Variants in IL1RAPL1 observed in about 807,000 individuals in gnomAD.
IL1RAPL1 encodes the protein interleukin 1 receptor accessory protein like 1, also known as interleukin-1 receptor accessory protein-like 1.
IL1RAPL1 carries 3 observed loss-of-function variants against 48.4 expected under a neutral mutation model. The ratio of observed to expected loss-of-function variants is 0.06; its 90% confidence interval spans 0.03 to 0.16. The LOEUF (loss-of-function observed/expected upper bound fraction) is 0.16, where lower values mean the gene tolerates loss of function less well. IL1RAPL1 is among the 10% of genes least tolerant of loss of function. The probability of loss-of-function intolerance (pLI) is 1.00; values close to 1 mark genes in which losing one functional copy is unlikely to be tolerated. For missense variants in IL1RAPL1, 349 were observed against 530.6 expected (o/e 0.66, Z 3.36); for synonymous variants, 185 against 187.7 (o/e 0.99, Z 0.12).
intron 2 of IL1RAPL1, among the ~76,000 whole-genome samples, chrX:29,083,033 T>A (rs1429738060): frequency 8.9e-6 from 1 of 112,067 alleles, no homozygotes; most frequent in Non-Finnish European, 1.9e-5. Context: ...GAAAAATAGC[T>A]GTCATAAATC....
rs774786731 is a variant in IL1RAPL1, at chrX:29,082,447, G to T, written c.83-200491G>T. Among the ~76,000 whole-genome samples, 4 of 111,843 alleles carry T rather than the reference G, an allele frequency of 3.6e-5. No homozygotes were observed. The Admixed American group carries it at 3.8e-4, about 11-fold the overall frequency. ...ACAATGAAGCTGCAGTTGTTTTTTG[G>T]TTTTTGAGTGAAATATACAACCAAT... On this transcript the variant is annotated intron_variant, in intron 2 of 10. Transcript: ENST00000378993.
At chrX:29,810,163 T>TA (rs200562371) in intron 6 of IL1RAPL1, among the ~76,000 whole-genome samples, 7,539 of 108,810 alleles carry the variant, frequency 0.069, 219 homozygotes, top group Middle Eastern at 0.2. Context: ...CATTTCCTTT[T>TA]ATGTATTATT....
At chrX:29,325,091 A>G (rs1337799022) in intron 3 of IL1RAPL1, among the ~76,000 whole-genome samples, 1 of 111,935 alleles carries the variant, frequency 8.9e-6, no homozygotes, top group Non-Finnish European at 1.9e-5. Flanking sequence ...CAGATTTTAG[A>G]TTAATTTATT....
At chrX:29,354,357 C>A (rs972272160) in intron 3 of IL1RAPL1, among the ~76,000 whole-genome samples, 1 of 111,676 alleles carries the variant, frequency 9.0e-6, no homozygotes, top group African/African-American at 3.2e-5. Context: ...TAGTATCCAA[C>A]ACTAGTTGTA....
intron 2 of IL1RAPL1, among the ~76,000 whole-genome samples, chrX:28,821,724 A>G (rs1046286149): frequency 9.0e-6 from 1 of 111,389 alleles, no homozygotes; most frequent in Admixed American, 9.6e-5. Context: ...TGGGTTGTGC[A>G]TGTAAAGATA....
chrX:29,022,815 ATTAACT>A (rs3078486), intron 2 of IL1RAPL1, among the ~76,000 whole-genome samples: 19,618 of 110,975 alleles, frequency 0.18, 1,576 homozygotes, highest in South Asian at 0.41. Context: ...GATCCAATAG[ATTAACT>A]TTAACTCTTT....
chrX:28,949,656 T>C (rs1924398491), intron 2 of IL1RAPL1, among the ~76,000 whole-genome samples: 1 of 110,480 alleles, frequency 9.1e-6, no homozygotes, highest in Non-Finnish European at 1.9e-5. Flanking sequence ...TGGTATCTCA[T>C]TGTGGTTTTG....
intron 6 of IL1RAPL1, among the ~76,000 whole-genome samples, chrX:29,674,904 C>A (rs1194054834): frequency 3.6e-5 from 4 of 112,197 alleles, no homozygotes; most frequent in African/African-American, 1.3e-4. Flanking sequence ...TGATCTCATT[C>A]TTTTTATGGC....
At chrX:29,472,778 A>G (rs1468878771) in intron 5 of IL1RAPL1, among the ~76,000 whole-genome samples, 1 of 111,708 alleles carries the variant, frequency 9.0e-6, no homozygotes, top group Non-Finnish European at 1.9e-5. Context: ...GGTTGATGAG[A>G]TGATAACATG....
chrX:29,759,230 C>T (rs1202457752), intron 6 of IL1RAPL1, among the ~76,000 whole-genome samples: 1 of 112,002 alleles, frequency 8.9e-6, no homozygotes, highest in Admixed American at 9.5e-5. Context: ...AATGGTTATA[C>T]ACGTGGTTGT....
chrX:28,846,286 A>G (rs1921506391), intron 2 of IL1RAPL1, among the ~76,000 whole-genome samples: 1 of 111,825 alleles, frequency 8.9e-6, no homozygotes, highest in African/African-American at 3.2e-5. Flanking sequence ...ATAATATTCT[A>G]TTGTCGGGAT....
At chrX:28,827,605 A>G (rs903945624) in intron 2 of IL1RAPL1, among the ~76,000 whole-genome samples, 6 of 111,874 alleles carry the variant, frequency 5.4e-5, no homozygotes, top group African/African-American at 1.9e-4. Flanking sequence ...AAGAGGATCT[A>G]TATTACGTGG....
At chrX:29,154,878 C>A (rs970125485) in intron 2 of IL1RAPL1, among the ~76,000 whole-genome samples, 1 of 111,547 alleles carries the variant, frequency 9.0e-6, no homozygotes. Context: ...ATTTAATATT[C>A]ACACAATATT....
At chrX:29,090,959 G>A (rs1928075999) in intron 2 of IL1RAPL1, among the ~76,000 whole-genome samples, 1 of 111,681 alleles carries the variant, frequency 9.0e-6, no homozygotes, top group African/African-American at 3.3e-5. Context: ...GGATAATGTT[G>A]GAAAATCTTG....
intron 3 of IL1RAPL1, among the ~76,000 whole-genome samples, chrX:29,311,943 A>T (rs1163081431): frequency 8.9e-6 from 1 of 112,100 alleles, no homozygotes; most frequent in Non-Finnish European, 1.9e-5. Flanking sequence ...GGGGCTTGGC[A>T]ATATTGAGAT....
intron 5 of IL1RAPL1, among the ~76,000 whole-genome samples, chrX:29,541,625 T>C (rs772047255): frequency 1.8e-5 from 2 of 111,983 alleles, no homozygotes; most frequent in African/African-American, 3.2e-5. Context: ...TTAAATGTTG[T>C]CCTTTGCAAC....
chrX:28,920,291 T>A (rs767238164), intron 2 of IL1RAPL1, among the ~76,000 whole-genome samples: 1 of 111,395 alleles, frequency 9.0e-6, no homozygotes, highest in South Asian at 3.8e-4. Flanking sequence ...CTCAGTTGAG[T>A]GTTGGTTTGA....
chrX:29,481,203 C>T (rs745800320), intron 5 of IL1RAPL1, among the ~76,000 whole-genome samples: 9 of 112,318 alleles, frequency 8.0e-5, no homozygotes, highest in Non-Finnish European at 1.5e-4. Context: ...TAATGATAAC[C>T]TTTGAGGCTT....
chrX:29,263,230 T>C (rs752301253), intron 2 of IL1RAPL1, among the ~76,000 whole-genome samples: 2 of 111,688 alleles, frequency 1.8e-5, no homozygotes, highest in Admixed American at 9.6e-5. Flanking sequence ...TTTATTGATG[T>C]GGAAAGCAGG....
Sources: gnomAD v4.1 joint callset for allele counts (sites outside exome capture counted in the v4.1 genomes callset) on GRCh38, gnomAD v4.1.1 for gene constraint, MANE v1.5 for transcripts, NCBI Gene and HGNC (gene_info 2026-07-23, HGNC 2026-07-21) for gene names.